The following AARS1 variants were observed in gnomAD, a reference collection of about 807,000 sequenced individuals.
AARS1 encodes alanine--tRNA ligase, cytoplasmic.
Under a neutral mutation model 108.9 loss-of-function variants are expected in AARS1, and 72 were observed. The ratio of observed to expected loss-of-function variants is 0.66; its 90% CI spans 0.55 to 0.80. AARS1 has a LOEUF of 0.80. Ranked by LOEUF, AARS1 falls within the 30% of genes least tolerant of loss-of-function variation. The pLI is 0.00. For synonymous variants in AARS1, 489 were observed against 465.7 expected (o/e 1.05, Z -0.64); for missense variants, 1,193 against 1,233.2 (o/e 0.97, Z 0.49).
At chr16:70,283,560 G>C (rs1177382585) in intron 1 of AARS1, among the ~76,000 whole-genome samples, 1 of 152,126 alleles carries the variant, frequency 6.6e-6, no homozygotes, top group Non-Finnish European at 1.5e-5. Flanking sequence ...GGGTCCATAT[G>C]AGATTATCTC....
At chr16:70,282,499 T>A (rs1400128479) in intron 2 of AARS1, 121 bp downstream of exon 2, 3 of 1,263,936 alleles carry the variant, frequency 2.4e-6, no homozygotes, top group Non-Finnish European at 3.4e-6. Flanking sequence ...ACATAAAGTT[T>A]CACAAGATCA....
At chr16:70,282,508 C>A in intron 2 of AARS1, 112 bp downstream of exon 2, 2 of 1,335,442 alleles carry the variant, frequency 1.5e-6, no homozygotes, top group Non-Finnish European at 1.1e-6. Flanking sequence ...TTCACAAGAT[C>A]ACACAGGGAG....
intron 7 of AARS1, 137 bp from the exon 8 acceptor site, chr16:70,268,516 G>T (rs1476163268): frequency 1.0e-5 from 7 of 681,390 alleles, no homozygotes; most frequent in Non-Finnish European, 7.5e-6. Flanking sequence ...ATTCCCCAAG[G>T]TCATTAATTT....
chr16:70,253,554 C>A (rs1469411754), intron 19 of AARS1, 160 bp downstream of exon 19: 1 of 1,050,280 alleles, frequency 9.5e-7, no homozygotes, highest in Admixed American at 2.0e-5. Context: ...TACCCTGGCC[C>A]AGGTATGCCT....
At chr16:70,282,389 C>G (rs936190249) in intron 2 of AARS1, among the ~76,000 whole-genome samples, 6 of 149,010 alleles carry the variant, frequency 4.0e-5, no homozygotes, top group Non-Finnish European at 7.4e-5. Context: ...GTGCGAAATA[C>G]CGTGCTAAAC....
rs142397000 is a variant in AARS1 at position 70,263,305 on chromosome 16, C to G, written c.1493-781G>C. ...GATTGTTCTCAGCCGGGCACGGTGG[C>G]TCACACCTGTCATCCTGGCACTTTG... is the stretch of plus-strand genomic sequence containing the variant. On this transcript the variant is annotated intron_variant, in intron 11 of 20. Coordinates refer to ENST00000261772, the MANE Select transcript of AARS1 (RefSeq NM_001605.3). Among the ~76,000 whole-genome samples, 599 of 152,262 alleles carry G rather than the reference C, an allele frequency of 3.9e-3. 10 individuals carry two copies. The highest frequency in any genetic ancestry group is 0.013 in the African/African-American group (559 of 41,564).
At chr16:70,270,473 A>AAGAGGGAAGT in intron 5 of AARS1, 133 bp from the exon 6 acceptor site, 2 of 1,106,666 alleles carry the variant, frequency 1.8e-6, no homozygotes, top group Non-Finnish European at 2.7e-6. Flanking sequence ...GTTTGGTGGG[A>AAGAGGGAAGT]AGAGGGAAGT....
rs532656729 is a variant in AARS1, at chr16:70,265,778, T to C, written c.1223-116A>G. ...AATTAAAGACACAAGGCTATCAGTA[T>C]CGGCCCTGTGTGCCCATCAGAAAAT... On this transcript the variant is annotated intron_variant, in intron 9 of 20. Coordinates refer to ENST00000261772, the MANE Select transcript of AARS1 (RefSeq NM_001605.3). 4.9e-5 allele frequency: 67 copies of C among 1,354,660 alleles called. 1 individual carries two copies. In the South Asian group the frequency reaches 7.6e-4, roughly 15 times the overall value. The allele number at this position is 1,354,660 out of a possible 1,614,324, so 83.9% of individuals were successfully genotyped here. A position where few individuals can be genotyped will look rare whatever the true frequency, so the allele number is the denominator to read the frequency against.
chr16:70,259,519 G>C (rs1453395348), intron 13 of AARS1, among the ~76,000 whole-genome samples: 1 of 152,110 alleles, frequency 6.6e-6, no homozygotes, highest in Non-Finnish European at 1.5e-5. Flanking sequence ...GTCTTGCTCT[G>C]TCACCCAGGA....
At chr16:70,282,044 T>C (rs112053092) in intron 2 of AARS1, among the ~76,000 whole-genome samples, 13,279 of 150,752 alleles carry the variant, frequency 0.088, 1,903 homozygotes, top group African/African-American at 0.3. Context: ...CCCAGCTACT[T>C]GGGAGGCTGA....
At position 70,261,037 on chromosome 16, in the gene AARS1, A is replaced by C; in HGVS notation, c.1785+7T>G. 1 of 1,599,338 alleles carries C rather than the reference A, an allele frequency of 6.3e-7. No homozygotes were observed. Among genetic ancestry groups the C allele is most frequent in the East Asian group, 2.2e-5 (1 of 44,668 alleles). ...GATCCAATGGGGGCCACAGTAACCC[A>C]ACTCACCTCATCAATAAACAGCCAG... On this transcript the variant is annotated splice_region_variant and intron_variant, in intron 13 of 20. Coordinates refer to ENST00000261772, the MANE Select transcript of AARS1 (RefSeq NM_001605.3).
intron 14 of AARS1, 120 bp from the exon 15 acceptor site, chr16:70,258,337 G>A (rs891576819): frequency 4.8e-5 from 50 of 1,052,160 alleles, no homozygotes; most frequent in Admixed American, 1.8e-4. Flanking sequence ...GGCCTAGCAC[G>A]TGCCATGAGC....
chr16:70,288,227 C>T (rs1320373129), intron 1 of AARS1, among the ~76,000 whole-genome samples: 8 of 151,044 alleles, frequency 5.3e-5, no homozygotes, highest in African/African-American at 1.9e-4. Flanking sequence ...CTCAGCCTCC[C>T]GAGTAGCTGG....
chr16:70,255,544 T>A (rs1959967769), intron 16 of AARS1, among the ~76,000 whole-genome samples, 184 bp downstream of exon 16: 1 of 152,012 alleles, frequency 6.6e-6, no homozygotes, highest in Non-Finnish European at 1.5e-5. Flanking sequence ...AGCTAGGAGA[T>A]CTTGTGTGGT....
intron 10 of AARS1, 72 bp from the exon 11 acceptor site, chr16:70,265,174 C>T: frequency 6.3e-7 from 1 of 1,577,814 alleles, no homozygotes; most frequent in Non-Finnish European, 8.7e-7. Context: ...CTGGAACTTG[C>T]TAAACTATGC....
chr16:70,253,202 C>T, intron 20 of AARS1, 66 bp downstream of exon 20: 6 of 1,332,296 alleles, frequency 4.5e-6, no homozygotes, highest in Non-Finnish European at 6.4e-6. Context: ...GCAGGCTGTA[C>T]ACACACAGGC....
At position 70,258,087 on chromosome 16, in the gene AARS1, T is replaced by C. The variant is rs904743547; in HGVS notation, c.2123A>G (p.Asp708Gly). Residue 708 changes from aspartate to glycine, a missense_variant, in exon 15 of 21, where the codon GAT becomes GGT. Coordinates refer to ENST00000261772, the MANE Select transcript of AARS1 (RefSeq NM_001605.3). Reference sequence around the variant, plus strand: ...GGAGCCAGCAGGCCCAGAGGGGTCATCCAGCAACTCGGACACCGGGACCCC... The same window carrying C: ...GGAGCCAGCAGGCCCAGAGGGGTCACCCAGCAACTCGGACACCGGGACCCC... ...SIGVPVSELL[D>G]DPSGPAGSLT... The C allele has an allele frequency of 1.2e-6, 2 of 1,613,932 alleles. No homozygotes were observed. The highest frequency in any genetic ancestry group is 2.7e-5 in the African/African-American group (2 of 74,874).
intron 1 of AARS1, among the ~76,000 whole-genome samples, chr16:70,289,083 G>C (rs1002980592): frequency 1.3e-5 from 2 of 152,062 alleles, no homozygotes; most frequent in Non-Finnish European, 2.9e-5. Context: ...AAGAAATCAA[G>C]GAATGGCTGG....
chr16:70,254,497 G>T, intron 17 of AARS1, 124 bp downstream of exon 17: 1 of 740,352 alleles, frequency 1.4e-6, no homozygotes, highest in African/African-American at 1.7e-5. Flanking sequence ...CAGGACAACA[G>T]AAGTCAGCCC....
Sources: gnomAD v4.1 joint callset for allele counts (sites outside exome capture counted in the v4.1 genomes callset) on GRCh38, gnomAD v4.1.1 for gene constraint, MANE v1.5 for transcripts, NCBI Gene and HGNC (gene_info 2026-07-23, HGNC 2026-07-21) for gene names.